Variants in HDAC9 observed in about 807,000 individuals in gnomAD.
The protein encoded by HDAC9 is MEF-2 interacting transcription repressor (MITR) protein.
In HDAC9, 41 loss-of-function variants were observed where a neutral mutation model predicts 139.4. The observed-to-expected ratio is 0.29, with a 90% CI of 0.23 to 0.38. HDAC9 has a LOEUF of 0.38. Among genes scored for constraint, HDAC9 ranks in the 10% least tolerant of loss-of-function variants. HDAC9 has a pLI of 1.00. For synonymous variants in HDAC9, 517 were observed against 476.2 expected, an observed-to-expected ratio of 1.09 and a Z score of -1.12; for missense variants, 1,147 against 1,297.0, an observed-to-expected ratio of 0.88 and a Z score of 1.78.
At chr7:18,179,783 A>T (rs1204608039) in intron 2 of HDAC9, among the ~76,000 whole-genome samples, 3 of 152,244 alleles carry the variant, frequency 2.0e-5, no homozygotes, top group African/African-American at 4.8e-5. Context: ...TTTGTCCCAG[A>T]TTCCTCATTT....
chr7:18,959,463 G>A (rs1304538719), intron 24 of HDAC9, among the ~76,000 whole-genome samples: 1 of 152,050 alleles, frequency 6.6e-6, no homozygotes, highest in African/African-American at 2.4e-5. Context: ...TGTGGATCAA[G>A]GAAACATATA....
At chr7:18,836,286 T>C (rs923243037) in intron 21 of HDAC9, among the ~76,000 whole-genome samples, 7 of 152,204 alleles carry the variant, frequency 4.6e-5, no homozygotes, top group African/African-American at 1.7e-4. Context: ...TATGATGTGG[T>C]TTTTACAGTA....
intron 16 of HDAC9, among the ~76,000 whole-genome samples, chr7:18,778,767 C>T (rs1790994635): frequency 6.6e-6 from 1 of 151,998 alleles, no homozygotes; most frequent in Non-Finnish European, 1.5e-5. Context: ...CAAGATGTAG[C>T]CCTTTCGCCA....
chr7:18,558,006 A>G (rs902526051), intron 2 of HDAC9, among the ~76,000 whole-genome samples: 40 of 152,142 alleles, frequency 2.6e-4, no homozygotes, highest in African/African-American at 9.6e-4. Flanking sequence ...CTGTTTAAAG[A>G]ATGTTCTTAT....
intron 21 of HDAC9, among the ~76,000 whole-genome samples, chr7:18,847,897 A>G (rs1002656565): frequency 1.3e-5 from 2 of 152,186 alleles, no homozygotes; most frequent in Non-Finnish European, 2.9e-5. Flanking sequence ...TGCCCTATTT[A>G]TCACCTCTGG....
At position 18,729,912 on chromosome 7, in the gene HDAC9, G is replaced by A. The variant is rs115389529; in HGVS notation, c.1909+2155G>A. Reference sequence around the variant, plus strand: ...TGAATATTAATTTCATAATAAACACGAATTTACTAGTTCAAATTTGAATAC... The same window carrying A: ...TGAATATTAATTTCATAATAAACACAAATTTACTAGTTCAAATTTGAATAC... On this transcript the variant is annotated intron_variant, in intron 13 of 25. Coordinates refer to ENST00000686413, the MANE Select transcript of HDAC9 (RefSeq NM_178425.4). 2.8e-3 allele frequency among the ~76,000 whole-genome samples: 432 copies of A among 152,120 alleles called. 3 individuals are homozygous for A. The highest frequency in any genetic ancestry group is 9.5e-3 in the African/African-American group (395 of 41,518).
intron 2 of HDAC9, among the ~76,000 whole-genome samples, chr7:18,177,540 A>G (rs1052487410): frequency 8.5e-5 from 13 of 152,088 alleles, no homozygotes; most frequent in Non-Finnish European, 1.5e-4. Context: ...AGGCCTTTGA[A>G]TGACCCTTCC....
intron 2 of HDAC9, among the ~76,000 whole-genome samples, chr7:18,209,704 T>C (rs1410484985): frequency 1.3e-5 from 2 of 150,792 alleles, no homozygotes; most frequent in Non-Finnish European, 1.5e-5. Flanking sequence ...CAGGTACTTT[T>C]TTCTTTTTTT....
At chr7:18,988,398 T>A (rs1785557971) in intron 25 of HDAC9, among the ~76,000 whole-genome samples, 1 of 152,056 alleles carries the variant, frequency 6.6e-6, no homozygotes, top group Admixed American at 6.6e-5. Context: ...AATCCTGAGT[T>A]CTAGTTTGAT....
chr7:18,090,488 C>T (rs931262384), intron 1 of HDAC9, among the ~76,000 whole-genome samples: 2 of 152,176 alleles, frequency 1.3e-5, no homozygotes. Context: ...ATCCATAGTC[C>T]ACATATTTCT....
chr7:18,690,997 G>C (rs1782635075), intron 12 of HDAC9, among the ~76,000 whole-genome samples: 1 of 151,990 alleles, frequency 6.6e-6, no homozygotes, highest in African/African-American at 2.4e-5. Flanking sequence ...TCAGATGTCT[G>C]TTTAATGTAT....
chr7:18,151,190 A>G (rs545730625), intron 1 of HDAC9, among the ~76,000 whole-genome samples: 83 of 152,298 alleles, frequency 5.4e-4, no homozygotes, highest in African/African-American at 1.8e-3. Context: ...TTGTTTTTAT[A>G]TAGATTTTCA....
intron 2 of HDAC9, among the ~76,000 whole-genome samples, chr7:18,538,011 A>G (rs554362994): frequency 6.6e-6 from 1 of 152,294 alleles, no homozygotes; most frequent in South Asian, 2.1e-4. Flanking sequence ...CACAAGCTTA[A>G]TGGACTTACT....
At chr7:18,803,414 G>T (rs887066146) in intron 17 of HDAC9, among the ~76,000 whole-genome samples, 1 of 152,054 alleles carries the variant, frequency 6.6e-6, no homozygotes, top group Non-Finnish European at 1.5e-5. Context: ...CACCATTTAT[G>T]ATTGTATCTG....
chr7:18,570,232 G>C (rs1210052027), intron 2 of HDAC9, among the ~76,000 whole-genome samples: 3 of 152,076 alleles, frequency 2.0e-5, no homozygotes, highest in African/African-American at 7.2e-5. Context: ...ATAGAATTTT[G>C]TATAGCTAAA....
At chr7:18,575,682 A>T (rs1825753711) in intron 2 of HDAC9, among the ~76,000 whole-genome samples, 1 of 152,268 alleles carries the variant, frequency 6.6e-6, no homozygotes, top group South Asian at 2.1e-4. Flanking sequence ...TAGAAATTTA[A>T]CTAGTAAAAC....
At chr7:18,585,588 C>A (rs1829228281) in intron 3 of HDAC9, 66 bp downstream of exon 3, 10 of 1,560,470 alleles carry the variant, frequency 6.4e-6, no homozygotes, top group Non-Finnish European at 8.7e-6. Context: ...ATGAACAGTG[C>A]CCATGGGAAC....
chr7:18,675,988 CATG>C (rs1220909632), intron 12 of HDAC9, among the ~76,000 whole-genome samples: 1 of 152,028 alleles, frequency 6.6e-6, no homozygotes, highest in African/African-American at 2.4e-5. Flanking sequence ...GAATGATTAA[CATG>C]ATCATTGTTC....
chr7:18,492,545 A>G (rs1175257539), upstream of HDAC9, among the ~76,000 whole-genome samples: 1 of 151,866 alleles, frequency 6.6e-6, no homozygotes, highest in Non-Finnish European at 1.5e-5. Flanking sequence ...TCTTTGACCT[A>G]TGTGTATATA....
Sources: allele counts gnomAD v4.1 joint callset (sites outside exome capture counted in the v4.1 genomes callset), GRCh38; gene constraint gnomAD v4.1.1; transcripts MANE v1.5; gene names NCBI Gene and HGNC (gene_info 2026-07-23, HGNC 2026-07-21).